LRP1B: variants seen among roughly 807,000 people sequenced by gnomAD.
The protein encoded by LRP1B is LDL receptor related protein 1B.
In LRP1B, 217 loss-of-function variants were observed where a neutral mutation model predicts 556.6. The ratio of observed to expected loss-of-function variants is 0.39; its 90% CI spans 0.35 to 0.44. LRP1B has a LOEUF of 0.44. LRP1B is among the 20% of genes least tolerant of loss of function. LRP1B has a pLI of 1.00. For missense variants in LRP1B, 5,053 were observed against 5,620.8 expected (o/e 0.90, Z 3.23); for synonymous variants, 2,047 against 1,865.8 (o/e 1.10, Z -2.50).
intron 31 of LRP1B, among the ~76,000 whole-genome samples, chr2:140,837,069 A>G (rs1315623154): frequency 1.3e-5 from 2 of 152,184 alleles, no homozygotes. Context: ...TACTACAATC[A>G]TATGATTTGA....
rs150162936 is a variant in LRP1B, at chr2:141,019,124, C to G, written c.1970+798G>C. On this transcript the variant is annotated intron_variant, in intron 12 of 90. Transcript: ENST00000389484. Reference sequence around the variant, plus strand: ...TATAAAATACTATGAAAATTTCCATCTTTGATATTTCTATAAGTACAGTTT... The same window carrying G: ...TATAAAATACTATGAAAATTTCCATGTTTGATATTTCTATAAGTACAGTTT... Among the ~76,000 whole-genome samples, 153 of 152,128 alleles carry G rather than the reference C, an allele frequency of 1.0e-3. 1 individual carries two copies. The highest frequency in any genetic ancestry group is 3.5e-3 in the African/African-American group (145 of 41,536).
At chr2:141,088,196 T>C (rs1700092723) in intron 7 of LRP1B, among the ~76,000 whole-genome samples, 1 of 152,140 alleles carries the variant, frequency 6.6e-6, no homozygotes, top group African/African-American at 2.4e-5. Flanking sequence ...GTAAGAAGTA[T>C]TGGAAGGGAC....
intron 59 of LRP1B, among the ~76,000 whole-genome samples, chr2:140,479,420 T>A (rs1688128517): frequency 6.6e-6 from 1 of 152,178 alleles, no homozygotes; most frequent in Non-Finnish European, 1.5e-5. Flanking sequence ...CAATCTCATA[T>A]GTAAAATTTC....
chr2:141,369,779 C>T (rs1485099638), intron 3 of LRP1B, among the ~76,000 whole-genome samples: 1 of 151,952 alleles, frequency 6.6e-6, no homozygotes, highest in East Asian at 1.9e-4. Flanking sequence ...CACATTGTAC[C>T]CCCGGAGCAA....
chr2:140,375,375 A>G (rs1416988676), intron 68 of LRP1B, among the ~76,000 whole-genome samples: 1 of 152,128 alleles, frequency 6.6e-6, no homozygotes, highest in Non-Finnish European at 1.5e-5. Context: ...AAAATTAGGC[A>G]TCTCTCAAAG....
At chr2:142,035,197 G>T (rs1394758436) in intron 1 of LRP1B, among the ~76,000 whole-genome samples, 1 of 151,644 alleles carries the variant, frequency 6.6e-6, no homozygotes, top group African/African-American at 2.4e-5. Context: ...AGATGCTGAT[G>T]CTGAGTTGAA....
intron 41 of LRP1B, among the ~76,000 whole-genome samples, chr2:140,632,037 G>A (rs1683905628): frequency 6.6e-6 from 1 of 152,092 alleles, no homozygotes; most frequent in Non-Finnish European, 1.5e-5. Context: ...CATCAATTTA[G>A]AATTCTGTAT....
At chr2:141,034,070 C>T (rs1251012432) in intron 11 of LRP1B, among the ~76,000 whole-genome samples, 11 of 152,014 alleles carry the variant, frequency 7.2e-5, no homozygotes. Flanking sequence ...TAAAGAGTGC[C>T]TTAAGGCCTT....
At chr2:141,912,967 G>T (rs1270381924) in intron 1 of LRP1B, among the ~76,000 whole-genome samples, 1 of 152,112 alleles carries the variant, frequency 6.6e-6, no homozygotes, top group Non-Finnish European at 1.5e-5. Flanking sequence ...GTGTCATGGA[G>T]AACTTGTATT....
intron 41 of LRP1B, among the ~76,000 whole-genome samples, chr2:140,624,186 A>C (rs1683567905): frequency 6.6e-6 from 1 of 151,818 alleles, no homozygotes; most frequent in African/African-American, 2.4e-5. Context: ...TTATCCACTC[A>C]CAGAAAAAAT....
chr2:141,924,095 C>A (rs1413519093), intron 1 of LRP1B, among the ~76,000 whole-genome samples: 2 of 151,914 alleles, frequency 1.3e-5, no homozygotes, highest in African/African-American at 2.4e-5. Context: ...TGTTTTCATG[C>A]CCAAAAAGTT....
chr2:140,868,162 C>A lies in LRP1B; in HGVS notation c.4271G>T (p.Gly1424Val), dbSNP rs1693011347. The stretch of plus-strand genomic sequence containing the variant: ...CACAGTTAGTCCATTAGGCCAAGCC[C>A]CAGTTTTCATGTCTTTATAGATGGT... Reference protein sequence around the residue: ...RKTIYKDMKTGAWPNGLTVDH... With the variant: ...RKTIYKDMKTVAWPNGLTVDH... The change falls in exon 26 of 91, where the codon GGG becomes GTG. Residue 1424 changes from glycine (G) to valine (V), a missense_variant. Physicochemically the swap from Gly to Val is moderately radical, Grantham distance 109. This residue lies in a region of LRP1B where 3,619 missense variants were observed against 3,931.9 expected (regional missense o/e 0.92). Transcript: ENST00000389484. 4.3e-6 allele frequency: 7 copies of A among 1,611,456 alleles called. No homozygotes were observed. Among genetic ancestry groups the A allele is most frequent in the Non-Finnish European group, 5.9e-6 (7 of 1,178,782 alleles).
rs535149287 is a variant in LRP1B at position 140,478,143 on chromosome 2, A to G, written c.9426-2806T>C. On this transcript the variant is annotated intron_variant, in intron 59 of 90. Coordinates refer to ENST00000389484, the MANE Select transcript of LRP1B (RefSeq NM_018557.3). ...AGATTTTAGGACAAAGTATAACTTA[A>G]CTTTTTTTTTTTTTTTTTTTTTTTG... Among the ~76,000 whole-genome samples the G allele has an allele frequency of 5.6e-5, 7 of 124,312 alleles. No homozygotes were observed. The South Asian group carries it at 1.8e-3, about 32-fold the overall frequency. 81.6% of individuals were successfully genotyped at this position (124,312 alleles called of 152,430 possible). A position where few individuals can be genotyped will look rare whatever the true frequency, so the allele number is the denominator to read the frequency against.
At chr2:141,952,530 T>A (rs1701134650) in intron 1 of LRP1B, among the ~76,000 whole-genome samples, 1 of 152,160 alleles carries the variant, frequency 6.6e-6, no homozygotes, top group Admixed American at 6.6e-5. Flanking sequence ...ACATAGGTAC[T>A]GCTTCTGAAA....
intron 77 of LRP1B, among the ~76,000 whole-genome samples, chr2:140,336,286 C>A (rs546237902): frequency 1.3e-5 from 2 of 151,794 alleles, no homozygotes; most frequent in Non-Finnish European, 2.9e-5. Flanking sequence ...AATTTTTAAT[C>A]TTTTCATTGC....
intron 1 of LRP1B, among the ~76,000 whole-genome samples, chr2:142,036,756 C>A (rs1048818196): frequency 6.6e-6 from 1 of 151,648 alleles, no homozygotes; most frequent in African/African-American, 2.4e-5. Context: ...GCATATCCAA[C>A]TACCTCAGCA....
chr2:140,982,097 G>C, intron 18 of LRP1B, 63 bp downstream of exon 18: 2 of 1,254,426 alleles, frequency 1.6e-6, no homozygotes, highest in South Asian at 2.4e-5. Context: ...TAAGGAGGGT[G>C]TAGTGGTAGG....
rs930082128 is a variant in LRP1B at position 140,536,824 on chromosome 2, T to C, written c.7514-115A>G. On this transcript the variant is annotated intron_variant, in intron 45 of 90. Coordinates refer to ENST00000389484, the MANE Select transcript of LRP1B (RefSeq NM_018557.3). ...AAAGATAAACTAAAATTTATCAAAA[T>C]GTACAATTAAAGAGCAATGGTTTAT... The C allele has an allele frequency of 5.4e-5, 42 of 784,208 alleles. No homozygotes were observed. The African/African-American group carries it at 7.1e-4, about 13-fold the overall frequency. The allele number at this position is 784,208 out of a possible 1,614,324, so 48.6% of individuals were successfully genotyped here.
intron 18 of LRP1B, among the ~76,000 whole-genome samples, chr2:140,970,803 C>T (rs1696397544): frequency 1.5e-5 from 2 of 134,220 alleles, no homozygotes; most frequent in Admixed American, 8.0e-5. Flanking sequence ...TGTAATGGAA[C>T]ACTCCTGGCT....
Sources: gnomAD v4.1 joint callset for allele counts (sites outside exome capture counted in the v4.1 genomes callset) on GRCh38, gnomAD v4.1.1 for gene constraint, gnomAD v4.1.1 regional missense constraint, MANE v1.5 for transcripts, NCBI Gene and HGNC (gene_info 2026-07-23, HGNC 2026-07-21) for gene names.